PPIP5K2: variants seen among roughly 807,000 people sequenced by gnomAD.
PPIP5K2 encodes the protein inositol hexakisphosphate and diphosphoinositol-pentakisphosphate kinase 2.
A neutral mutation model predicts 154.6 loss-of-function variants in PPIP5K2; 105 were observed. That is an observed-to-expected ratio of 0.68 (90% CI 0.58 to 0.80). The LOEUF is 0.80. Ranked by LOEUF, PPIP5K2 falls within the 30% of genes least tolerant of loss-of-function variation. The pLI is 0.00. For synonymous variants in PPIP5K2, 480 were observed against 490.3 expected (o/e 0.98, Z 0.28); for missense variants, 992 against 1,504.6 (o/e 0.66, Z 5.64).
At chr5:103,180,621 G>A (rs540252608) in intron 24 of PPIP5K2, among the ~76,000 whole-genome samples, 12 of 151,934 alleles carry the variant, frequency 7.9e-5, no homozygotes, top group East Asian at 3.9e-4. Flanking sequence ...AGGCCGAGGC[G>A]GGTGGATCAT....
At chr5:103,148,959 G>A (rs1554210269) in intron 7 of PPIP5K2, among the ~76,000 whole-genome samples, 193 bp from the exon 8 acceptor site, 1 of 151,998 alleles carries the variant, frequency 6.6e-6, no homozygotes, top group Non-Finnish European at 1.5e-5. Context: ...TACCAATTTT[G>A]CTATATAATG....
chr5:103,138,630 C>T (rs782488252), intron 5 of PPIP5K2, among the ~76,000 whole-genome samples, 161 bp downstream of exon 5: 4 of 152,144 alleles, frequency 2.6e-5, no homozygotes, highest in African/African-American at 4.8e-5. Flanking sequence ...TAAAAGGTGA[C>T]ACTGAGTTAA....
At chr5:103,183,482 C>A in intron 25 of PPIP5K2, 75 bp downstream of exon 25, 1 of 1,258,898 alleles carries the variant, frequency 7.9e-7, no homozygotes, top group Non-Finnish European at 1.1e-6. Flanking sequence ...TTGAGGACAT[C>A]TAATCCCTTG....
chr5:103,211,403 A>G lies in PPIP5K2; in HGVS notation c.*9769A>G, dbSNP rs897764991. 1 of 152,138 alleles carries G rather than the reference A, an allele frequency of 6.6e-6. No individual in the cohort carries two copies. Among genetic ancestry groups the G allele is most frequent in the Admixed American group, 6.6e-5 (1 of 15,266 alleles). 9.4% of individuals were successfully genotyped at this position (152,138 alleles called of 1,614,324 possible). ...TGTTACTGGGTGAAGCCAGGAAGCTACCATATACATAGAAAAGTTAGTTGC... is the reference window on the plus strand; with the variant it reads ...TGTTACTGGGTGAAGCCAGGAAGCTGCCATATACATAGAAAAGTTAGTTGC... On this transcript the variant is annotated 3_prime_UTR_variant, in exon 31 of 31. Transcript: ENST00000358359.
In PPIP5K2 at chr5:103,134,183, T is replaced by C. The variant is rs7730128; in HGVS notation, c.310+535T>C. 5.3e-3 allele frequency among the ~76,000 whole-genome samples: 802 copies of C among 152,280 alleles called. 7 individuals carry two copies. Among genetic ancestry groups the C allele is most frequent in the African/African-American group, 0.017 (716 of 41,576 alleles). ...TTTCATATACATATTCATACTTTAT[T>C]TTTAAGAACTTAATAATTTGAGATT... On this transcript the variant is annotated intron_variant, in intron 3 of 30. Coordinates refer to ENST00000358359, the MANE Select transcript of PPIP5K2 (RefSeq NM_001276277.3).
At chr5:103,155,164 A>G (rs1252691966) in intron 13 of PPIP5K2, among the ~76,000 whole-genome samples, 1 of 152,016 alleles carries the variant, frequency 6.6e-6, no homozygotes, top group African/African-American at 2.4e-5. Context: ...AAGGACATCA[A>G]ATTTGTGTCT....
chr5:103,142,568 G>C (rs566668421), intron 5 of PPIP5K2, among the ~76,000 whole-genome samples: 1 of 152,182 alleles, frequency 6.6e-6, no homozygotes, highest in Non-Finnish European at 1.5e-5. Context: ...GCGAGCGAGG[G>C]CTGTGAGGAC....
Position 103,174,007 on chromosome 5 carries a change from T to C in PPIP5K2, c.2529+35T>C, listed in dbSNP as rs782098805. On this transcript the variant is annotated intron_variant, in intron 21 of 30. Coordinates refer to ENST00000358359, the MANE Select transcript of PPIP5K2 (RefSeq NM_001276277.3). ...ATAAGTTATTTCAGTCTAACAAATA[T>C]ATTTAATTTTGTAATTAAATCACTA... is the stretch of plus-strand genomic sequence containing the variant. 1.5e-5 allele frequency: 22 copies of C among 1,421,640 alleles called. 1 individual carries two copies. Among genetic ancestry groups the C allele is most frequent in the Non-Finnish European group, 2.0e-5 (21 of 1,032,796 alleles). The allele number at this position is 1,421,640 out of a possible 1,614,324, so 88.1% of individuals were successfully genotyped here. A position where few individuals can be genotyped will look rare whatever the true frequency, so the allele number is the denominator to read the frequency against.
At chr5:103,179,121 A>G (rs1301268589) in intron 23 of PPIP5K2, among the ~76,000 whole-genome samples, 1 of 151,980 alleles carries the variant, frequency 6.6e-6, no homozygotes, top group Admixed American at 6.6e-5. Flanking sequence ...GTGATAGTGG[A>G]CATTCTTATC....
chr5:103,176,730 CCTGTTAA>C, intron 21 of PPIP5K2: 1 of 515,448 alleles, frequency 1.9e-6, no homozygotes, highest in South Asian at 3.1e-5. Context: ...TTAAGTAGAT[CCTGTTAA>C]CTGTTGACTA....
At chr5:103,132,967 A>G (rs32851) in intron 2 of PPIP5K2, among the ~76,000 whole-genome samples, 37,237 of 152,100 alleles carry the variant, frequency 0.24, 5,197 homozygotes, top group East Asian at 0.45. Context: ...TTTCTTTAAA[A>G]TTTTCTTCCA....
chr5:103,155,724 G>A (rs1795323777), intron 13 of PPIP5K2, among the ~76,000 whole-genome samples, 185 bp from the exon 14 acceptor site: 1 of 151,724 alleles, frequency 6.6e-6, no homozygotes, highest in South Asian at 2.1e-4. Context: ...TGGCACCCAC[G>A]CCTGTAATTT....
chr5:103,128,271 G>A (rs1790045783), intron 1 of PPIP5K2, among the ~76,000 whole-genome samples: 4 of 152,026 alleles, frequency 2.6e-5, no homozygotes, highest in Admixed American at 2.6e-4. Flanking sequence ...ATCAAATGAA[G>A]CATTTGTTAT....
rs1554231817 is a variant in PPIP5K2 at position 103,204,955 on chromosome 5, A to C, written c.*3321A>C. 1 of 152,012 alleles carries C rather than the reference A, an allele frequency of 6.6e-6. No homozygotes were observed. Among genetic ancestry groups the C allele is most frequent in the Non-Finnish European group, 1.5e-5 (1 of 68,008 alleles). The allele number at this position is 152,012 out of a possible 1,614,324, so 9.4% of individuals were successfully genotyped here. ...TGTGCCATGTTGGTTTGCTGCACCC[A>C]TGAACTCATCATTTACATTAGGTAT... On this transcript the variant is annotated 3_prime_UTR_variant, in exon 31 of 31. Transcript: ENST00000358359.
chr5:103,129,988 C>T (rs1554202170), intron 2 of PPIP5K2, among the ~76,000 whole-genome samples: 2 of 151,912 alleles, frequency 1.3e-5, no homozygotes, highest in African/African-American at 4.8e-5. Flanking sequence ...GGCCATAAAT[C>T]CAAAAGCTTT....
At chr5:103,194,308 C>T (rs1050904564) in intron 29 of PPIP5K2, among the ~76,000 whole-genome samples, 2 of 152,078 alleles carry the variant, frequency 1.3e-5, no homozygotes, top group Admixed American at 6.6e-5. Context: ...GCTGGAACCA[C>T]AGGCCCAGCT....
At chr5:103,139,866 G>T (rs1314549175) in intron 5 of PPIP5K2, among the ~76,000 whole-genome samples, 1 of 152,138 alleles carries the variant, frequency 6.6e-6, no homozygotes, top group Non-Finnish European at 1.5e-5. Flanking sequence ...TTCTGGAACT[G>T]AAAAATTCAG....
intron 30 of PPIP5K2, among the ~76,000 whole-genome samples, chr5:103,196,810 A>G (rs1450943611): frequency 6.6e-6 from 1 of 152,118 alleles, no homozygotes; most frequent in Non-Finnish European, 1.5e-5. Context: ...TATATTATAT[A>G]TATGAAGGTC....
intron 16 of PPIP5K2, 116 bp from the exon 17 acceptor site, chr5:103,159,029 TA>T (rs1203274632): frequency 1.3e-5 from 9 of 690,014 alleles, no homozygotes; most frequent in Middle Eastern, 4.1e-4. Flanking sequence ...ACTGTAGTAT[TA>T]ATAAAGTTTA....
Sources: gnomAD v4.1 joint callset for allele counts (sites outside exome capture counted in the v4.1 genomes callset) on GRCh38, gnomAD v4.1.1 for gene constraint, MANE v1.5 for transcripts, NCBI Gene and HGNC (gene_info 2026-07-23, HGNC 2026-07-21) for gene names.